DNAJC15: variants seen among roughly 807,000 people sequenced by gnomAD.
DNAJC15 encodes the protein dnaJ homolog subfamily C member 15.
DNAJC15 carries 27 observed loss-of-function variants against 22.4 expected under a neutral mutation model. The observed-to-expected ratio is 1.20, with a 90% CI of 0.89 to 1.66. The LOEUF is 1.66. Among genes scored for constraint, DNAJC15 ranks in the 40% most tolerant of loss-of-function variants. The pLI, the probability that DNAJC15 is intolerant of heterozygous loss-of-function variation, is 0.00. For synonymous variants in DNAJC15, 79 were observed against 63.2 expected, an observed-to-expected ratio of 1.25 and a Z score of -1.19; for missense variants, 208 against 187.1, an observed-to-expected ratio of 1.11 and a Z score of -0.65.
At chr13:43,071,403 GCTT>G (rs1271990118) in intron 3 of DNAJC15, among the ~76,000 whole-genome samples, 2 of 152,080 alleles carry the variant, frequency 1.3e-5, no homozygotes, top group African/African-American at 2.4e-5. Context: ...AATAAATCTG[GCTT>G]CTTTTTCACA....
chr13:43,042,088 C>T (rs1022123787), intron 1 of DNAJC15, among the ~76,000 whole-genome samples: 5 of 152,154 alleles, frequency 3.3e-5, no homozygotes, highest in African/African-American at 1.2e-4. Flanking sequence ...TTCTGTGTTC[C>T]AAGACCACCA....
At chr13:43,025,636 G>A (rs957058048) in intron 1 of DNAJC15, among the ~76,000 whole-genome samples, 1 of 152,246 alleles carries the variant, frequency 6.6e-6, no homozygotes, top group Non-Finnish European at 1.5e-5. Context: ...TGCGAGCGGT[G>A]TCTCGCTCCT....
chr13:43,066,840 C>T lies in DNAJC15; in HGVS notation c.160+1103C>T, dbSNP rs143557229. Among the ~76,000 whole-genome samples, 431 of 152,166 alleles carry T rather than the reference C, an allele frequency of 2.8e-3. 2 individuals carry two copies. The highest frequency in any genetic ancestry group is 9.7e-3 in the African/African-American group (402 of 41,510). On this transcript the variant is annotated intron_variant, in intron 2 of 5. Coordinates refer to ENST00000379221, the MANE Select transcript of DNAJC15 (RefSeq NM_013238.3). ...ATACAAAATTTAGCCAGGATGGTTT[C>T]GATCGCCTGACCTCGTGATCCACCC...
intron 1 of DNAJC15, among the ~76,000 whole-genome samples, chr13:43,047,269 T>TA (rs2040482856): frequency 1.3e-5 from 2 of 152,204 alleles, no homozygotes; most frequent in Non-Finnish European, 2.9e-5. Flanking sequence ...GAAGCCTACA[T>TA]GTTGGAAGGG....
chr13:43,064,755 G>A (rs935696968), intron 1 of DNAJC15, among the ~76,000 whole-genome samples: 2 of 152,148 alleles, frequency 1.3e-5, no homozygotes, highest in Admixed American at 1.3e-4. Flanking sequence ...CTTTATCCAA[G>A]AGGGTTGCTC....
At chr13:43,078,583 TG>T (rs771308462) in intron 3 of DNAJC15, 28 bp from the exon 4 acceptor site, 1 of 1,597,996 alleles carries the variant, frequency 6.3e-7, no homozygotes, top group South Asian at 1.1e-5. Flanking sequence ...GTGGAACTAA[TG>T]ATTTCTTGCT....
intron 5 of DNAJC15, among the ~76,000 whole-genome samples, chr13:43,105,359 A>C (rs1593334348): frequency 6.6e-6 from 1 of 152,128 alleles, no homozygotes; most frequent in East Asian, 1.9e-4. Flanking sequence ...AATTAATGGA[A>C]CCTAATGTGA....
At position 43,112,392 on chromosome 13, in the gene DNAJC15, G is replaced by A. The variant is rs543750601; in HGVS notation, c.*5144G>A. 1.3e-5 allele frequency: 2 copies of A among 152,272 alleles called. No homozygotes were observed. The highest frequency in any genetic ancestry group is 1.9e-4 in the East Asian group (1 of 5,178). 9.4% of individuals were successfully genotyped at this position (152,272 alleles called of 1,614,324 possible). A position where few individuals can be genotyped will look rare whatever the true frequency, so the allele number is the denominator to read the frequency against. On this transcript the variant is annotated 3_prime_UTR_variant, in exon 6 of 6. Transcript: ENST00000379221. ...ATTAAGAGGGAGCTTAATTTCACAC[G>A]GGTGGAATATGATCACTCAGGCTAG...
At chr13:43,057,946 G>A (rs59667456) in intron 1 of DNAJC15, among the ~76,000 whole-genome samples, 2 of 152,164 alleles carry the variant, frequency 1.3e-5, no homozygotes, top group African/African-American at 4.8e-5. Flanking sequence ...GTCAAACACA[G>A]ATGTGATCTG....
intron 1 of DNAJC15, among the ~76,000 whole-genome samples, chr13:43,053,829 T>G (rs922587250): frequency 6.6e-6 from 1 of 152,134 alleles, no homozygotes; most frequent in Admixed American, 6.5e-5. Context: ...GTCTTCAGGG[T>G]TTTCTGGTAT....
intron 1 of DNAJC15, among the ~76,000 whole-genome samples, chr13:43,037,357 T>C (rs906725701): frequency 9.9e-5 from 15 of 152,172 alleles, no homozygotes; most frequent in Admixed American, 8.5e-4. Flanking sequence ...TGATAAAAGC[T>C]TGGAGTACTT....
intron 1 of DNAJC15, among the ~76,000 whole-genome samples, chr13:43,047,578 T>C (rs2040484159): frequency 6.6e-6 from 1 of 152,212 alleles, no homozygotes; most frequent in Non-Finnish European, 1.5e-5. Context: ...ATTACGAGCA[T>C]GTTAGGATAC....
intron 1 of DNAJC15, among the ~76,000 whole-genome samples, chr13:43,059,648 G>A (rs961373608): frequency 6.6e-6 from 1 of 152,230 alleles, no homozygotes; most frequent in Non-Finnish European, 1.5e-5. Flanking sequence ...CCCTCAAATT[G>A]TATACAGATT....
intron 1 of DNAJC15, among the ~76,000 whole-genome samples, chr13:43,031,724 A>C (rs1253182762): frequency 6.6e-6 from 1 of 152,238 alleles, no homozygotes; most frequent in Non-Finnish European, 1.5e-5. Flanking sequence ...TAAAGCACTG[A>C]AATAATTTGT....
At chr13:43,049,015 C>T (rs1440034300) in intron 1 of DNAJC15, among the ~76,000 whole-genome samples, 1 of 152,106 alleles carries the variant, frequency 6.6e-6, no homozygotes, top group Non-Finnish European at 1.5e-5. Context: ...TCATCATCTA[C>T]TGCTACATAT....
intron 2 of DNAJC15, among the ~76,000 whole-genome samples, chr13:43,066,275 G>C (rs373868057): frequency 6.6e-6 from 1 of 151,282 alleles, no homozygotes; most frequent in Non-Finnish European, 1.5e-5. Flanking sequence ...TTTTGGAATG[G>C]GCAAGACTGT....
chr13:43,062,127 A>G (rs944328898), intron 1 of DNAJC15, among the ~76,000 whole-genome samples: 4 of 152,126 alleles, frequency 2.6e-5, no homozygotes, highest in Non-Finnish European at 5.9e-5. Flanking sequence ...GGTTTAAGAT[A>G]ACCAAGAAAG....
chr13:43,064,258 C>A (rs564026351), intron 1 of DNAJC15, among the ~76,000 whole-genome samples: 2 of 152,224 alleles, frequency 1.3e-5, no homozygotes, highest in African/African-American at 4.8e-5. Flanking sequence ...CACCTTCATG[C>A]GGCTGCCCTT....
intron 2 of DNAJC15, 122 bp downstream of exon 2, chr13:43,065,859 A>C (rs547015213): frequency 1.3e-6 from 1 of 760,230 alleles, no homozygotes; most frequent in Non-Finnish European, 2.1e-6. Context: ...ATACATTCTC[A>C]TTCTTTCCAC....
Sources: allele counts gnomAD v4.1 joint callset (sites outside exome capture counted in the v4.1 genomes callset), GRCh38; gene constraint gnomAD v4.1.1; transcripts MANE v1.5; gene names NCBI Gene and HGNC (gene_info 2026-07-23, HGNC 2026-07-21).